The following OPRM1 variants were observed in gnomAD, a reference collection of about 807,000 sequenced individuals.
OPRM1 encodes the protein mu-type opioid receptor.
Under a neutral mutation model 31.8 loss-of-function variants are expected in OPRM1, and 27 were observed. The observed-to-expected ratio is 0.85, with a 90% CI of 0.63 to 1.17. The LOEUF (loss-of-function observed/expected upper bound fraction) is 1.17, where lower values mean the gene tolerates loss of function less well. Ranked by LOEUF, OPRM1 falls within the 50% of genes most tolerant of loss-of-function variation. The pLI is 0.00. For synonymous variants in OPRM1, 196 were observed against 189.9 expected, an observed-to-expected ratio of 1.03 and a Z score of -0.26; for missense variants, 536 against 511.1, an observed-to-expected ratio of 1.05 and a Z score of -0.47.
At chr6:154,169,933 T>C (rs541626298) in intron 3 of OPRM1, among the ~76,000 whole-genome samples, 15 of 152,328 alleles carry the variant, frequency 9.8e-5, no homozygotes, top group Admixed American at 5.9e-4. Flanking sequence ...AGCTGGAAGT[T>C]TCCAGGAAGT....
chr6:154,093,449 A>G, intron 3 of OPRM1: 1 of 1,613,990 alleles, frequency 6.2e-7, no homozygotes, highest in Non-Finnish European at 8.5e-7. Context: ...TGAGTTAAGC[A>G]TGATTATTCT....
chr6:154,144,037 T>C (rs1448688147), intron 3 of OPRM1, among the ~76,000 whole-genome samples: 2 of 152,154 alleles, frequency 1.3e-5, no homozygotes, highest in African/African-American at 4.8e-5. Context: ...AGAAATACTA[T>C]AGATAATTCA....
intron 3 of OPRM1, among the ~76,000 whole-genome samples, chr6:154,102,140 G>A (rs73574530): frequency 0.041 from 6,162 of 152,020 alleles, 400 homozygotes; most frequent in African/African-American, 0.14. Context: ...GGGTTTTGCC[G>A]TGTTGCGAGC....
At chr6:154,206,709 T>G (rs879350466) in intron 3 of OPRM1, among the ~76,000 whole-genome samples, 18 of 152,200 alleles carry the variant, frequency 1.2e-4, no homozygotes, top group Non-Finnish European at 1.9e-4. Flanking sequence ...TGAAGGAATC[T>G]ACATCTGAAG....
At chr6:154,016,416 G>A (rs374851504) in intron 1 of OPRM1, among the ~76,000 whole-genome samples, 29 of 152,140 alleles carry the variant, frequency 1.9e-4, no homozygotes, top group African/African-American at 6.5e-4. Context: ...AATTACCTAA[G>A]GATAGAAGAG....
rs1027015565 is a variant in OPRM1 at position 154,070,038 on chromosome 6, A to C, written c.291-19788A>C. ...TCAGCTATAGGGAAAGAAATTTGTA[A>C]TATTCGGAGGTGAGGGGGTACAACA... is the stretch of plus-strand genomic sequence containing the variant. On this transcript the variant is annotated intron_variant, in intron 1 of 3. Coordinates refer to ENST00000330432, the MANE Select transcript of OPRM1 (RefSeq NM_000914.5). Among the ~76,000 whole-genome samples the C allele has an allele frequency of 2.6e-5, 4 of 152,204 alleles. No individual in the cohort carries two copies. In the East Asian group the frequency reaches 7.7e-4, roughly 29 times the overall value.
intron 3 of OPRM1, among the ~76,000 whole-genome samples, chr6:154,243,375 C>T (rs6557341): frequency 0.85 from 129,564 of 152,204 alleles, 56,054 homozygotes; most frequent in African/African-American, 0.91. Context: ...TACTCTGTGG[C>T]GTGAAAAATG....
intron 3 of OPRM1, among the ~76,000 whole-genome samples, chr6:154,200,546 C>A (rs1776980454): frequency 6.6e-6 from 1 of 152,016 alleles, no homozygotes; most frequent in Non-Finnish European, 1.5e-5. Context: ...TATGTTGAAA[C>A]CCCATCTCTA....
chr6:154,160,508 A>T (rs1031507155), intron 3 of OPRM1, among the ~76,000 whole-genome samples: 4 of 152,258 alleles, frequency 2.6e-5, no homozygotes, highest in African/African-American at 9.6e-5. Context: ...TATTTTTAAT[A>T]AATCACATTT....
At chr6:154,244,763 G>A (rs1780895832) in intron 3 of OPRM1, among the ~76,000 whole-genome samples, 1 of 152,180 alleles carries the variant, frequency 6.6e-6, no homozygotes, top group African/African-American at 2.4e-5. Context: ...ATGAAGACAG[G>A]GACAGCAGCC....
intron 3 of OPRM1, among the ~76,000 whole-genome samples, chr6:154,098,833 T>C (rs535375194): frequency 3.7e-4 from 57 of 152,334 alleles, no homozygotes; most frequent in African/African-American, 1.3e-3. Context: ...GTCTTATTGA[T>C]AATTTTCCTT....
intron 1 of OPRM1, among the ~76,000 whole-genome samples, chr6:154,047,082 A>G (rs2128408827): frequency 6.6e-6 from 1 of 152,294 alleles, no homozygotes; most frequent in Non-Finnish European, 1.5e-5. Context: ...AATAAGGGAA[A>G]CAGAAAGTTA....
rs1002070673 is a variant in OPRM1, at chr6:154,206,492, G to A, written c.1165-40201G>A. Reference sequence around the variant, plus strand: ...TGTGCTAGGCACAGTCATAAATGATGTGGGTAAATGAAAAGATATTGGGCA... The same window carrying A: ...TGTGCTAGGCACAGTCATAAATGATATGGGTAAATGAAAAGATATTGGGCA... On this transcript the variant is annotated intron_variant, in intron 3 of 3. Transcript: ENST00000337049. Among the ~76,000 whole-genome samples the A allele has an allele frequency of 3.3e-5, 5 of 152,342 alleles. No homozygotes were observed. The South Asian group carries it at 1.0e-3, about 32-fold the overall frequency.
chr6:154,139,879 A>G (rs1201279341), intron 3 of OPRM1, among the ~76,000 whole-genome samples: 1 of 152,202 alleles, frequency 6.6e-6, no homozygotes, highest in South Asian at 2.1e-4. Context: ...ATGACCAGAA[A>G]AAAGAAGCGT....
intron 3 of OPRM1, among the ~76,000 whole-genome samples, chr6:154,144,180 A>C (rs1360440243): frequency 6.6e-6 from 1 of 152,238 alleles, no homozygotes; most frequent in Non-Finnish European, 1.5e-5. Flanking sequence ...TTGTTATTTT[A>C]AAATTCTCAA....
chr6:154,239,562 G>T (rs918423410), intron 3 of OPRM1, among the ~76,000 whole-genome samples: 1 of 152,176 alleles, frequency 6.6e-6, no homozygotes, highest in South Asian at 2.1e-4. Context: ...GTCACCTACA[G>T]CTGCTGAAAT....
chr6:154,240,811 G>A (rs986884429), intron 3 of OPRM1, among the ~76,000 whole-genome samples: 3 of 152,172 alleles, frequency 2.0e-5, no homozygotes, highest in Admixed American at 1.3e-4. Flanking sequence ...TCACAATTCA[G>A]AAAGCAAAGG....
At chr6:154,100,097 T>TATATATATC (rs1562472132) in intron 3 of OPRM1, among the ~76,000 whole-genome samples, 70 of 58,392 alleles carry the variant, frequency 1.2e-3, no homozygotes, top group Middle Eastern at 0.011. Flanking sequence ...ATTATCATAT[T>TATATATATC]ATGATATATA....
chr6:154,192,034 T>C (rs916271314), intron 3 of OPRM1, among the ~76,000 whole-genome samples: 4 of 152,118 alleles, frequency 2.6e-5, no homozygotes, highest in African/African-American at 4.8e-5. Flanking sequence ...TGGAGTACTA[T>C]AAAACAATGA....
Sources: gnomAD v4.1 joint callset for allele counts (sites outside exome capture counted in the v4.1 genomes callset) on GRCh38, gnomAD v4.1.1 for gene constraint, MANE v1.5 for transcripts, NCBI Gene and HGNC (gene_info 2026-07-23, HGNC 2026-07-21) for gene names.